CEP70: variants seen among roughly 807,000 people sequenced by gnomAD.
CEP70 encodes centrosomal protein of 70 kDa.
In CEP70, 70 loss-of-function variants were observed where a neutral mutation model predicts 90.9. The ratio of observed to expected loss-of-function variants is 0.77; its 90% CI spans 0.64 to 0.94. The LOEUF is 0.94. Among genes scored for constraint, CEP70 ranks in the 40% least tolerant of loss-of-function variants. The pLI, the probability that CEP70 is intolerant of heterozygous loss-of-function variation, is 0.00. For synonymous variants in CEP70, 220 were observed against 228.3 expected (o/e 0.96, Z 0.33); for missense variants, 648 against 669.0 (o/e 0.97, Z 0.35).
At chr3:138,518,494 A>C (rs2036278512) in intron 11 of CEP70, among the ~76,000 whole-genome samples, 1 of 152,210 alleles carries the variant, frequency 6.6e-6, no homozygotes, top group Non-Finnish European at 1.5e-5. Context: ...CTTCCAGAAG[A>C]ATGATCGGGC....
At chr3:138,535,080 A>G (rs1347561669) in intron 7 of CEP70, among the ~76,000 whole-genome samples, 2 of 152,148 alleles carry the variant, frequency 1.3e-5, no homozygotes, top group African/African-American at 4.8e-5. Flanking sequence ...CTCTTCGGCC[A>G]ATTTAAGTCT....
chr3:138,535,061 G>T (rs896341715), intron 7 of CEP70, among the ~76,000 whole-genome samples: 7 of 152,112 alleles, frequency 4.6e-5, no homozygotes, highest in African/African-American at 1.7e-4. Context: ...ACAGAAAGTA[G>T]AACTCAAACT....
rs563551255 is a variant in CEP70, at chr3:138,546,625, T to C, written c.466-9278A>G. Among the ~76,000 whole-genome samples the C allele has an allele frequency of 4.6e-5, 7 of 152,216 alleles. No homozygotes were observed. In the South Asian group the frequency reaches 1.5e-3, roughly 32 times the overall value. On this transcript the variant is annotated intron_variant, in intron 6 of 17. Coordinates refer to ENST00000264982, the MANE Select transcript of CEP70 (RefSeq NM_024491.4). ...TTAGCTGGGCGTAGTGGTGGGTGCC[T>C]GTAGTCCCAGCTACTCAGGAGGCTG... is the stretch of plus-strand genomic sequence containing the variant.
chr3:138,553,159 C>T (rs1425641365), intron 6 of CEP70, among the ~76,000 whole-genome samples: 1 of 151,814 alleles, frequency 6.6e-6, no homozygotes, highest in Non-Finnish European at 1.5e-5. Context: ...CAATAACAAG[C>T]AGTGAGAACG....
chr3:138,553,276 G>A (rs911569623), intron 6 of CEP70, among the ~76,000 whole-genome samples: 10 of 151,954 alleles, frequency 6.6e-5, no homozygotes, highest in Non-Finnish European at 1.0e-4. Flanking sequence ...TCAGGAGATC[G>A]AGACCATCCT....
intron 6 of CEP70, among the ~76,000 whole-genome samples, chr3:138,543,300 T>C (rs1007184763): frequency 3.9e-5 from 6 of 152,300 alleles, no homozygotes; most frequent in Non-Finnish European, 5.9e-5. Context: ...GCCTCCCTTC[T>C]GCGCTCGTCG....
chr3:138,533,612 C>A (rs1478545616), intron 7 of CEP70, among the ~76,000 whole-genome samples: 1 of 152,086 alleles, frequency 6.6e-6, no homozygotes, highest in African/African-American at 2.4e-5. Context: ...CAAAGAAGAA[C>A]TGTCTCACTC....
chr3:138,574,688 G>A (rs1220542612), intron 2 of CEP70, among the ~76,000 whole-genome samples: 11 of 152,176 alleles, frequency 7.2e-5, no homozygotes, highest in Admixed American at 7.2e-4. Flanking sequence ...ACACCTCCCA[G>A]TAGGGCCCGA....
intron 11 of CEP70, among the ~76,000 whole-genome samples, chr3:138,516,248 G>T (rs1301688700): frequency 6.6e-6 from 1 of 152,180 alleles, no homozygotes; most frequent in East Asian, 1.9e-4. Flanking sequence ...CCAAACAGAT[G>T]TAAGAAGAAC....
intron 6 of CEP70, among the ~76,000 whole-genome samples, chr3:138,568,463 C>T (rs2040934416): frequency 6.6e-6 from 1 of 152,194 alleles, no homozygotes. Flanking sequence ...TTCCTGCTCT[C>T]AACTTGTTCA....
chr3:138,512,931 TGTTCCCC>T (rs2035661574), intron 11 of CEP70, among the ~76,000 whole-genome samples: 1 of 152,252 alleles, frequency 6.6e-6, no homozygotes, highest in African/African-American at 2.4e-5. Flanking sequence ...AAAGCTATAC[TGTTCCCC>T]GAGTCTTTTA....
intron 11 of CEP70, among the ~76,000 whole-genome samples, chr3:138,516,402 G>A (rs780576907): frequency 6.6e-5 from 10 of 151,862 alleles, no homozygotes; most frequent in Non-Finnish European, 1.3e-4. Flanking sequence ...ACGGGGGGTG[G>A]AGGGACAGGG....
intron 2 of CEP70, among the ~76,000 whole-genome samples, chr3:138,583,598 T>C (rs2041970730): frequency 6.6e-6 from 1 of 152,058 alleles, no homozygotes; most frequent in Non-Finnish European, 1.5e-5. Flanking sequence ...TGGAATAATA[T>C]AAAGTATCTT....
chr3:138,502,339 G>C (rs925387680), intron 13 of CEP70, among the ~76,000 whole-genome samples: 2 of 151,800 alleles, frequency 1.3e-5, no homozygotes, highest in African/African-American at 4.9e-5. Flanking sequence ...CAGCTCTAGA[G>C]AACAGAAAGA....
intron 12 of CEP70, 72 bp from the exon 13 acceptor site, chr3:138,505,537 T>A: frequency 1.0e-6 from 1 of 973,298 alleles, no homozygotes; most frequent in Non-Finnish European, 1.5e-6. Flanking sequence ...TTTAAAGGAG[T>A]GCTTTATGTC....
At chr3:138,566,474 A>T (rs563850708) in intron 6 of CEP70, among the ~76,000 whole-genome samples, 1 of 152,338 alleles carries the variant, frequency 6.6e-6, no homozygotes, top group South Asian at 2.1e-4. Flanking sequence ...GCACATATAC[A>T]TCACGGAATA....
At chr3:138,508,382 A>G in intron 12 of CEP70, 57 bp downstream of exon 12, 1 of 1,101,888 alleles carries the variant, frequency 9.1e-7, no homozygotes, top group Non-Finnish European at 1.4e-6. Context: ...ACCACAACTG[A>G]TAACCAAGAT....
At chr3:138,582,942 A>G (rs1230550829) in intron 2 of CEP70, among the ~76,000 whole-genome samples, 1 of 152,136 alleles carries the variant, frequency 6.6e-6, no homozygotes, top group Admixed American at 6.5e-5. Flanking sequence ...AAAGAAGGAA[A>G]AAAGAAGAGA....
rs2041148540 is a variant in CEP70 at position 138,571,166 on chromosome 3, A to T, written c.161-9T>A. 2 of 1,577,112 alleles carry T rather than the reference A, an allele frequency of 1.3e-6. No homozygotes were observed. Among genetic ancestry groups the T allele is most frequent in the Non-Finnish European group, 1.7e-6 (2 of 1,159,086 alleles). Reference sequence around the variant, plus strand: ...GTCAAAAATGATGAGATCTACATTTAAAAAGTATATAATACAGATAGTAAA... The same window carrying T: ...GTCAAAAATGATGAGATCTACATTTTAAAAGTATATAATACAGATAGTAAA... On this transcript the variant is annotated splice_polypyrimidine_tract_variant and intron_variant, in intron 4 of 17. Coordinates refer to ENST00000264982, the MANE Select transcript of CEP70 (RefSeq NM_024491.4).
Sources: gnomAD v4.1 joint callset for allele counts (sites outside exome capture counted in the v4.1 genomes callset) on GRCh38, gnomAD v4.1.1 for gene constraint, MANE v1.5 for transcripts, NCBI Gene and HGNC (gene_info 2026-07-23, HGNC 2026-07-21) for gene names.